CACNA1E: variants seen among roughly 807,000 people sequenced by gnomAD.
The protein encoded by CACNA1E is calcium voltage-gated channel subunit alpha1 E, also known as voltage-dependent R-type calcium channel subunit alpha-1E.
In CACNA1E, 40 loss-of-function variants were observed where a neutral mutation model predicts 259.2. The ratio of observed to expected loss-of-function variants is 0.15; its 90% CI spans 0.12 to 0.20. CACNA1E has a LOEUF of 0.20. Among genes scored for constraint, CACNA1E ranks in the 10% least tolerant of loss-of-function variants. The pLI, the probability that CACNA1E is intolerant of heterozygous loss-of-function variation, is 1.00. For synonymous variants in CACNA1E, 1,104 were observed against 1,138.5 expected (o/e 0.97, Z 0.61); for missense variants, 1,874 against 3,040.1 (o/e 0.62, Z 9.02).
At chr1:181,567,956 C>T (rs1158627551) in intron 3 of CACNA1E, among the ~76,000 whole-genome samples, 1 of 151,754 alleles carries the variant, frequency 6.6e-6, no homozygotes, top group East Asian at 1.9e-4. Flanking sequence ...TATATACACA[C>T]ATATATATAC....
At chr1:181,658,769 A>C (rs775986440) in intron 7 of CACNA1E, among the ~76,000 whole-genome samples, 25 of 152,118 alleles carry the variant, frequency 1.6e-4, no homozygotes, top group Non-Finnish European at 2.9e-4. Context: ...GATATGAATA[A>C]ATTTTGACAT....
chr1:181,580,038 G>T (rs981480787), intron 5 of CACNA1E, among the ~76,000 whole-genome samples: 12 of 152,224 alleles, frequency 7.9e-5, no homozygotes, highest in Non-Finnish European at 1.5e-4. Context: ...GAGGCAGGCT[G>T]AAGAATTCCA....
At chr1:181,645,113 T>C (rs961948554) in intron 6 of CACNA1E, among the ~76,000 whole-genome samples, 1 of 152,188 alleles carries the variant, frequency 6.6e-6, no homozygotes, top group Non-Finnish European at 1.5e-5. Flanking sequence ...GGGAGAGGGC[T>C]GTCCTGGGTG....
At chr1:181,377,154 G>GCCCC (rs1655158634) in intron 1 of CACNA1E, among the ~76,000 whole-genome samples, 1 of 152,230 alleles carries the variant, frequency 6.6e-6, no homozygotes. Flanking sequence ...ATCATGGACA[G>GCCCC]TTGTTACCAA....
chr1:181,616,174 C>T (rs1039001822), intron 6 of CACNA1E, among the ~76,000 whole-genome samples: 1 of 152,112 alleles, frequency 6.6e-6, no homozygotes, highest in Non-Finnish European at 1.5e-5. Context: ...TTGCAATGCT[C>T]TTGTGAAGTT....
Position 181,766,513 on chromosome 1 carries a change from T to C in CACNA1E, c.4816-33T>C, listed in dbSNP as rs755214291. 7 of 1,559,214 alleles carry C rather than the reference T, an allele frequency of 4.5e-6. No homozygotes were observed. The African/African-American group carries it at 8.1e-5, about 18-fold the overall frequency. ...TGTTGAGCTTGGGTGCTGCTTTTCT[T>C]TGATTAACGTCTTATCTCTGCTTTC... On this transcript the variant is annotated intron_variant, in intron 34 of 47. Transcript: ENST00000367573.
At chr1:181,670,753 A>T (rs955267120) in intron 7 of CACNA1E, among the ~76,000 whole-genome samples, 1 of 152,018 alleles carries the variant, frequency 6.6e-6, no homozygotes, top group Admixed American at 6.5e-5. Flanking sequence ...TCCCTTCCCC[A>T]TGCCCCCACC....
At chr1:181,364,609 C>T (rs551443073) in intron 1 of CACNA1E, among the ~76,000 whole-genome samples, 52 of 152,256 alleles carry the variant, frequency 3.4e-4, no homozygotes, top group African/African-American at 1.1e-3. Flanking sequence ...AGAAAGATTA[C>T]GAAGATCTGG....
intron 37 of CACNA1E, among the ~76,000 whole-genome samples, chr1:181,775,670 A>G (rs1473563333): frequency 6.6e-6 from 1 of 152,226 alleles, no homozygotes; most frequent in African/African-American, 2.4e-5. Flanking sequence ...GAGGAAAGAA[A>G]ACAAAAGATG....
chr1:181,575,399 T>C (rs531029066), intron 3 of CACNA1E, among the ~76,000 whole-genome samples: 2 of 152,356 alleles, frequency 1.3e-5, no homozygotes, highest in African/African-American at 4.8e-5. Context: ...GCTTTGCTTT[T>C]GTTCTCTTTC....
In CACNA1E at chr1:181,758,140, T is replaced by G. The variant is rs1658253057; in HGVS notation, c.4494+29T>G. 1 of 1,603,838 alleles carries G rather than the reference T, an allele frequency of 6.2e-7. No individual in the cohort carries two copies. The highest frequency in any genetic ancestry group is 1.3e-5 in the African/African-American group (1 of 74,870). On this transcript the variant is annotated intron_variant, in intron 31 of 47. Transcript: ENST00000367573. This position sits in a 1 kb window ranked among gnomAD's most constrained non-coding sequence, Gnocchi z 4.2. ...AGAGGAGAGAGGCACAAGAGCCGAC[T>G]GAGCCCCAGCGATGGTTCCCTCCCA...
intron 25 of CACNA1E, among the ~76,000 whole-genome samples, chr1:181,743,772 C>T (rs1460658084): frequency 6.6e-6 from 1 of 152,206 alleles, no homozygotes; most frequent in Non-Finnish European, 1.5e-5. Flanking sequence ...TTGACTAGCT[C>T]GATTCACATG....
intron 2 of CACNA1E, among the ~76,000 whole-genome samples, chr1:181,415,347 G>C (rs1364643130): frequency 6.6e-6 from 1 of 152,142 alleles, no homozygotes; most frequent in Non-Finnish European, 1.5e-5. Context: ...CCACCTACCT[G>C]GGGTGCTGGC....
chr1:181,572,987 A>C (rs928518973), intron 3 of CACNA1E, among the ~76,000 whole-genome samples: 3 of 152,196 alleles, frequency 2.0e-5, no homozygotes, highest in African/African-American at 7.2e-5. Context: ...ACTAAGGAAC[A>C]GTGGACCCTC....
At chr1:181,649,325 T>C (rs921115996) in intron 6 of CACNA1E, among the ~76,000 whole-genome samples, 2 of 152,234 alleles carry the variant, frequency 1.3e-5, no homozygotes, top group Admixed American at 6.5e-5. Context: ...CTTGTTTACT[T>C]TTAACTTTTA....
At chr1:181,723,463 G>A (rs900523384) in intron 16 of CACNA1E, among the ~76,000 whole-genome samples, 9 of 152,186 alleles carry the variant, frequency 5.9e-5, no homozygotes, top group Non-Finnish European at 1.0e-4. Flanking sequence ...GAAGACTTCT[G>A]TAACCAAATG....
intron 1 of CACNA1E, among the ~76,000 whole-genome samples, chr1:181,383,245 C>T (rs895802907): frequency 8.5e-5 from 13 of 152,158 alleles, no homozygotes; most frequent in African/African-American, 3.1e-4. Context: ...CTTCTTTATT[C>T]CCCACAGCCC....
intron 1 of CACNA1E, among the ~76,000 whole-genome samples, chr1:181,324,911 A>T (rs1196705661): frequency 2.6e-5 from 4 of 152,090 alleles, no homozygotes; most frequent in African/African-American, 9.7e-5. Flanking sequence ...TTGGGAAGAG[A>T]CGTCCAGGCC....
chr1:181,524,849 C>T (rs558249534), intron 3 of CACNA1E, among the ~76,000 whole-genome samples: 1 of 152,308 alleles, frequency 6.6e-6, no homozygotes, highest in South Asian at 2.1e-4. Context: ...TAGCAACAAC[C>T]TTGCCCTGTG....
Sources: allele counts gnomAD v4.1 joint callset (sites outside exome capture counted in the v4.1 genomes callset), GRCh38; gene constraint gnomAD v4.1.1; non-coding constraint Gnocchi (gnomAD v3.1); transcripts MANE v1.5; gene names NCBI Gene and HGNC (gene_info 2026-07-23, HGNC 2026-07-21).